Variants in CCAR1 observed in about 807,000 individuals in gnomAD.
The protein encoded by CCAR1 is cell division cycle and apoptosis regulator 1.
A neutral mutation model predicts 163.8 loss-of-function variants in CCAR1; 78 were observed. The observed-to-expected ratio is 0.48, with a 90% confidence interval of 0.40 to 0.57. The LOEUF (loss-of-function observed/expected upper bound fraction) is 0.57. CCAR1 is among the 20% of genes least tolerant of loss of function. CCAR1 has a pLI of 0.00. For synonymous variants in CCAR1, 443 were observed against 460.7 expected (o/e 0.96, Z 0.49); for missense variants, 1,019 against 1,365.2 (o/e 0.75, Z 4.00).
chr10:68,724,061 A>G (rs10823252), intron 2 of CCAR1, among the ~76,000 whole-genome samples: 129,872 of 151,214 alleles, frequency 0.86, 56,185 homozygotes, highest in East Asian at 0.97. Flanking sequence ...GGGAGGCTGA[A>G]GCTGGAGAAT....
At chr10:68,723,372 G>A (rs1429234620) in intron 2 of CCAR1, among the ~76,000 whole-genome samples, 1 of 149,948 alleles carries the variant, frequency 6.7e-6, no homozygotes, top group Non-Finnish European at 1.5e-5. Context: ...CTTGCGATAT[G>A]CCCGCCTCGG....
Position 68,780,737 on chromosome 10 carries a change from A to G in CCAR1, c.2651-5399A>G, listed in dbSNP as rs140526037. 3.6e-3 allele frequency among the ~76,000 whole-genome samples: 540 copies of G among 152,084 alleles called. 3 individuals carry two copies. The highest frequency in any genetic ancestry group is 0.012 in the African/African-American group (518 of 41,504). Reference sequence around the variant, plus strand: ...TATTTCCAGCTTTTTCATTATTACTATGTCTGTTTTGGTGATCTGTGATCA... The same window carrying G: ...TATTTCCAGCTTTTTCATTATTACTGTGTCTGTTTTGGTGATCTGTGATCA... On this transcript the variant is annotated intron_variant, in intron 19 of 24. Coordinates refer to ENST00000265872, the MANE Select transcript of CCAR1 (RefSeq NM_018237.4).
chr10:68,766,105 T>C, intron 17 of CCAR1, 26 bp downstream of exon 17: 1 of 1,430,932 alleles, frequency 7.0e-7, no homozygotes, highest in Non-Finnish European at 9.9e-7. Flanking sequence ...TGAAATAAGA[T>C]CCATATAAGG....
chr10:68,736,964 CACACAAACTCCAGCAAACTATCAGTTA>C lies in CCAR1; in HGVS notation c.172_198del (p.Pro58_Thr66del), dbSNP rs772132235. The C allele has an allele frequency of 6.2e-7, 1 of 1,613,838 alleles. No individual in the cohort carries two copies. Among genetic ancestry groups the C allele is most frequent in the Non-Finnish European group, 8.5e-7 (1 of 1,179,876 alleles). ...CTGCATTGGCAGCAGCAGGCCTTAC[CACACAAACTCCAGCAAACTATCAGTTA>C]ACACAAACTGCTGCATTGCAGCAAC... On this transcript the variant is annotated inframe_deletion, in exon 3 of 25. Transcript: ENST00000265872.
rs748641938 is a variant in CCAR1 at position 68,730,326 on chromosome 10, A to AATATATAT, written c.74-6537_74-6530dup. On this transcript the variant is annotated intron_variant, in intron 2 of 24. Transcript: ENST00000265872. ...AAACTGATTGTAGTTTTTAAAAAAG[A>AATATATAT]ATATATATATATATATATATTTATT... Among the ~76,000 whole-genome samples the AATATATAT allele has an allele frequency of 2.2e-3, 318 of 145,042 alleles. 2 individuals are homozygous for AATATATAT. Among genetic ancestry groups the AATATATAT allele is most frequent in the African/African-American group, 7.7e-3 (305 of 39,584 alleles).
Position 68,742,593 on chromosome 10 carries a change from C to T in CCAR1, c.518+24C>T, listed in dbSNP as rs769124552. The stretch of plus-strand genomic sequence containing the variant: ...AGGTAAACTTAATGAGGTCTTGTCA[C>T]ATGGCTTCTTGCATTTACCACAAAA... On this transcript the variant is annotated intron_variant, in intron 6 of 24. Coordinates refer to ENST00000265872, the MANE Select transcript of CCAR1 (RefSeq NM_018237.4). 4.5e-6 allele frequency: 7 copies of T among 1,562,992 alleles called. No individual in the cohort carries two copies. In the East Asian group the frequency reaches 1.3e-4, roughly 30 times the overall value.
intron 2 of CCAR1, among the ~76,000 whole-genome samples, chr10:68,731,294 G>A (rs2133309838): frequency 6.6e-6 from 1 of 152,294 alleles, no homozygotes; most frequent in Admixed American, 6.5e-5. Flanking sequence ...TTCACATTGA[G>A]TGCAGAATGC....
intron 21 of CCAR1, among the ~76,000 whole-genome samples, chr10:68,787,169 C>A (rs574078822): frequency 6.6e-6 from 1 of 152,238 alleles, no homozygotes; most frequent in East Asian, 1.9e-4. Context: ...CTCCTTAGGA[C>A]TACAATATAT....
rs1393897078 is a variant in CCAR1 at position 68,747,567 on chromosome 10, G to GT, written c.826+2dup. ...TTATTACAGCAGCCTCAGCAAAAAG[G>GT]TATCTTTGCTTTTGTTTCAGGCAAA... On this transcript the variant is annotated splice_donor_variant, in intron 8 of 24. Transcript: ENST00000265872. LOFTEE classifies it high-confidence loss of function. 1 of 1,607,680 alleles carries GT rather than the reference G, an allele frequency of 6.2e-7. No homozygotes were observed. Among genetic ancestry groups the GT allele is most frequent in the Admixed American group, 1.7e-5 (1 of 59,376 alleles).
chr10:68,733,864 A>G (rs1468817063), intron 2 of CCAR1, among the ~76,000 whole-genome samples: 3 of 152,016 alleles, frequency 2.0e-5, no homozygotes, highest in Admixed American at 1.3e-4. Flanking sequence ...AGGTTTCACC[A>G]TGTTGGCCAT....
rs1414181658 is a variant in CCAR1, at chr10:68,724,270, C to T, written c.73+1693C>T. ...CTGAGGTCAGGAGTTCGGAGACCAG[C>T]CTGGCTGACATGGTGAAATCCTATG... On this transcript the variant is annotated intron_variant, in intron 2 of 24. Coordinates refer to ENST00000265872, the MANE Select transcript of CCAR1 (RefSeq NM_018237.4). Among the ~76,000 whole-genome samples the T allele has an allele frequency of 2.6e-5, 4 of 152,114 alleles. No individual in the cohort carries two copies. The East Asian group carries it at 7.7e-4, about 29-fold the overall frequency.
chr10:68,733,699 CCTG>C (rs1255020644), intron 2 of CCAR1, among the ~76,000 whole-genome samples: 2 of 151,960 alleles, frequency 1.3e-5, no homozygotes, highest in Non-Finnish European at 2.9e-5. Context: ...GAGATCAAGT[CCTG>C]CTTTGTCACT....
intron 17 of CCAR1, 118 bp from the exon 18 acceptor site, chr10:68,771,088 A>AT (rs1246971866): frequency 1.2e-6 from 1 of 844,140 alleles, no homozygotes; most frequent in African/African-American, 1.7e-5. Context: ...AAAAAAAAAA[A>AT]AGTTTGATAA....
rs1163140 is a variant in CCAR1, at chr10:68,751,153, G to C, written c.1118+1468G>C. On this transcript the variant is annotated intron_variant, in intron 10 of 24. Transcript: ENST00000265872. ...AGCAATTCTCCTCCCTCAGCCTCCC[G>C]AGTAGCTGGGATTACAGGAATGCGC... 1.4e-3 allele frequency among the ~76,000 whole-genome samples: 209 copies of C among 151,444 alleles called. 1 individual carries two copies. The highest frequency in any genetic ancestry group is 4.8e-3 in the African/African-American group (199 of 41,178).
chr10:68,751,089 G>A (rs1475526281), intron 10 of CCAR1, among the ~76,000 whole-genome samples: 2 of 151,126 alleles, frequency 1.3e-5, no homozygotes, highest in Non-Finnish European at 2.9e-5. Flanking sequence ...GAGCAATGGC[G>A]CGATCTTGGC....
intron 19 of CCAR1, 132 bp from the exon 20 acceptor site, chr10:68,786,004 A>G (rs2056791238): frequency 1.6e-6 from 1 of 617,918 alleles, no homozygotes; most frequent in East Asian, 2.8e-5. Flanking sequence ...GTGCAGTGGT[A>G]TAGTCATAGC....
chr10:68,779,749 A>G (rs1306311019), intron 19 of CCAR1, among the ~76,000 whole-genome samples: 8 of 152,326 alleles, frequency 5.3e-5, no homozygotes, highest in Admixed American at 3.3e-4. Context: ...TGATCATTCC[A>G]TAATTTATTA....
chr10:68,764,539 C>CA (rs959153999), intron 16 of CCAR1, among the ~76,000 whole-genome samples: 147 of 141,600 alleles, frequency 1.0e-3, no homozygotes, highest in Middle Eastern at 3.7e-3. Context: ...TGTCTCAAAA[C>CA]AAAAAAAAAA....
intron 6 of CCAR1, among the ~76,000 whole-genome samples, chr10:68,744,447 G>T (rs1035904888): frequency 3.9e-5 from 6 of 152,096 alleles, no homozygotes; most frequent in Non-Finnish European, 8.8e-5. Context: ...CAACATAATG[G>T]CAAGACCCCA....
Sources: gnomAD v4.1 joint callset for allele counts (sites outside exome capture counted in the v4.1 genomes callset) on GRCh38, gnomAD v4.1.1 for gene constraint, MANE v1.5 for transcripts, NCBI Gene and HGNC (gene_info 2026-07-23, HGNC 2026-07-21) for gene names.